Variants in PTPRD observed in about 807,000 individuals in gnomAD.
PTPRD encodes the protein receptor-type tyrosine-protein phosphatase delta.
A neutral mutation model predicts 214.5 loss-of-function variants in PTPRD; 34 were observed. That is an observed-to-expected ratio of 0.16 (90% CI 0.12 to 0.21). The LOEUF (loss-of-function observed/expected upper bound fraction) is 0.21, where lower values mean the gene tolerates loss of function less well. Among genes scored for constraint, PTPRD ranks in the 10% least tolerant of loss-of-function variants. The pLI is 1.00. For missense variants in PTPRD, 2,545 were observed against 2,398.7 expected (o/e 1.06, Z -1.27); for synonymous variants, 1,128 against 845.7 (o/e 1.33, Z -5.79).
At chr9:9,901,499 A>G (rs554696654) in intron 5 of PTPRD, among the ~76,000 whole-genome samples, 8 of 152,158 alleles carry the variant, frequency 5.3e-5, no homozygotes, top group South Asian at 2.1e-4. Flanking sequence ...TAAATAAAAT[A>G]TATTAAATAT....
At chr9:9,569,506 A>G (rs1470685244) in intron 8 of PTPRD, among the ~76,000 whole-genome samples, 2 of 151,728 alleles carry the variant, frequency 1.3e-5, no homozygotes, top group African/African-American at 4.8e-5. Context: ...AGAATTAAAT[A>G]TATGCCATTG....
At chr9:8,547,098 T>C (rs989979516) in intron 14 of PTPRD, among the ~76,000 whole-genome samples, 1 of 152,188 alleles carries the variant, frequency 6.6e-6, no homozygotes. Flanking sequence ...AAAGTTATCA[T>C]AGACACAGGC....
chr9:9,781,367 G>T (rs1291722463), intron 5 of PTPRD, among the ~76,000 whole-genome samples: 1 of 152,004 alleles, frequency 6.6e-6, no homozygotes. Flanking sequence ...TAGTATATAT[G>T]ATTTTATAAA....
chr9:8,756,431 T>C (rs1048681181), intron 11 of PTPRD, among the ~76,000 whole-genome samples: 3 of 152,234 alleles, frequency 2.0e-5, no homozygotes, highest in African/African-American at 7.2e-5. Context: ...ATAATCTTAT[T>C]TTGCAAGATG....
At position 9,518,301 on chromosome 9, in the gene PTPRD, T is replaced by G. The variant is rs190238813; in HGVS notation, c.-237+56431A>C. The stretch of plus-strand genomic sequence containing the variant: ...TTTATCCTTAACATGATGAGTGAAG[T>G]GTTTCTTCCTAATATAGAAAATTCT... On this transcript the variant is annotated intron_variant, in intron 8 of 45. Transcript: ENST00000381196. Among the ~76,000 whole-genome samples, 14 of 152,182 alleles carry G rather than the reference T, an allele frequency of 9.2e-5. No homozygotes were observed. The East Asian group carries it at 2.3e-3, about 25-fold the overall frequency.
intron 8 of PTPRD, among the ~76,000 whole-genome samples, chr9:9,452,184 T>A (rs1255865995): frequency 6.6e-6 from 1 of 151,336 alleles, no homozygotes; most frequent in Non-Finnish European, 1.5e-5. Flanking sequence ...TAAATCAACT[T>A]AAGATGTGTC....
chr9:8,430,094 A>G (rs1055680926), intron 35 of PTPRD, among the ~76,000 whole-genome samples: 10 of 152,146 alleles, frequency 6.6e-5, no homozygotes, highest in African/African-American at 2.4e-4. Context: ...ATCTCAACCC[A>G]CACCACAAAA....
chr9:10,449,559 T>C (rs112798650), intron 2 of PTPRD, among the ~76,000 whole-genome samples: 3,175 of 147,122 alleles, frequency 0.022, 112 homozygotes, highest in African/African-American at 0.069. Flanking sequence ...GTGAGGAGCG[T>C]CTCTGCCCGG....
intron 2 of PTPRD, among the ~76,000 whole-genome samples, chr9:10,451,578 C>T (rs1428918057): frequency 2.6e-5 from 4 of 151,420 alleles, no homozygotes; most frequent in African/African-American, 4.9e-5. Context: ...CTATCTACCT[C>T]GTAGTGTTGT....
intron 5 of PTPRD, among the ~76,000 whole-genome samples, chr9:9,880,599 G>C (rs113189611): frequency 6.6e-6 from 1 of 152,058 alleles, no homozygotes; most frequent in Admixed American, 6.6e-5. Flanking sequence ...CAATGCACTA[G>C]AGGAGAATTT....
At chr9:9,381,371 A>ATT (rs34743279) in intron 9 of PTPRD, among the ~76,000 whole-genome samples, 1 of 74,170 alleles carries the variant, frequency 1.3e-5, no homozygotes, top group Non-Finnish European at 2.8e-5. Flanking sequence ...TTTTTTTTTT[A>ATT]TTTTTTTTTT....
intron 10 of PTPRD, among the ~76,000 whole-genome samples, chr9:9,050,058 A>G (rs1295010645): frequency 1.3e-5 from 2 of 152,166 alleles, no homozygotes; most frequent in Non-Finnish European, 2.9e-5. Context: ...TCCATTACTT[A>G]TCATCTATGT....
intron 4 of PTPRD, among the ~76,000 whole-genome samples, chr9:9,951,043 T>C (rs1262970510): frequency 6.6e-6 from 1 of 152,134 alleles, no homozygotes; most frequent in East Asian, 1.9e-4. Context: ...GTAGCTGAGG[T>C]GATGATAATC....
At chr9:8,796,369 A>G (rs1473592363) in intron 11 of PTPRD, among the ~76,000 whole-genome samples, 1 of 152,170 alleles carries the variant, frequency 6.6e-6, no homozygotes, top group Non-Finnish European at 1.5e-5. Context: ...TTTGACCTTT[A>G]CCATTAATAC....
chr9:8,515,518 CA>C (rs1324952744), intron 21 of PTPRD, among the ~76,000 whole-genome samples: 3 of 152,052 alleles, frequency 2.0e-5, no homozygotes, highest in African/African-American at 7.2e-5. Flanking sequence ...AGGATCTTTG[CA>C]ATGGAATTAG....
chr9:8,733,866 C>A lies in PTPRD; in HGVS notation c.-23G>T, dbSNP rs540479929. ...CATCCTGCAGCTTGGCAGCAGCGTG[C>A]GCGAGCAGCTTGGAATCACTGCCTC... On this transcript the variant is annotated 5_prime_UTR_variant, in exon 12 of 46. Transcript: ENST00000381196. The A allele has an allele frequency of 3.2e-6, 5 of 1,549,140 alleles. No homozygotes were observed. In the African/African-American group the frequency reaches 4.1e-5, roughly 13 times the overall value.
intron 9 of PTPRD, among the ~76,000 whole-genome samples, chr9:9,343,812 G>A (rs1436832428): frequency 2.0e-5 from 3 of 152,028 alleles, no homozygotes; most frequent in South Asian, 2.1e-4. Context: ...TGAAATGAAA[G>A]TGGGGAGGAT....
chr9:10,103,719 G>T (rs1175579125), intron 3 of PTPRD, among the ~76,000 whole-genome samples: 2 of 151,472 alleles, frequency 1.3e-5, no homozygotes, highest in East Asian at 3.9e-4. Flanking sequence ...GAGCTCTGGA[G>T]TCTTAGGGAT....
At chr9:9,916,103 G>A (rs1019907009) in intron 5 of PTPRD, among the ~76,000 whole-genome samples, 1 of 150,392 alleles carries the variant, frequency 6.6e-6, no homozygotes, top group Non-Finnish European at 1.5e-5. Context: ...ACAAAAAACT[G>A]TCAGCTACAA....
Sources: gnomAD v4.1 joint callset for allele counts (sites outside exome capture counted in the v4.1 genomes callset) on GRCh38, gnomAD v4.1.1 for gene constraint, MANE v1.5 for transcripts, NCBI Gene and HGNC (gene_info 2026-07-23, HGNC 2026-07-21) for gene names.